Variants in ADAM12 observed in about 807,000 individuals in gnomAD.
The protein encoded by ADAM12 is ADAM metallopeptidase domain 12.
Under a neutral mutation model 106.4 loss-of-function variants are expected in ADAM12, and 70 were observed. The observed-to-expected ratio is 0.66, with a 90% CI of 0.54 to 0.80. The LOEUF (loss-of-function observed/expected upper bound fraction) is 0.80, where lower values mean the gene tolerates loss of function less well. Among genes scored for constraint, ADAM12 ranks in the 30% least tolerant of loss-of-function variants. ADAM12 has a pLI of 0.00. For synonymous variants in ADAM12, 420 were observed against 433.5 expected (o/e 0.97, Z 0.39); for missense variants, 1,010 against 1,171.9 (o/e 0.86, Z 2.02).
At chr10:126,373,117 A>T (rs1175796756) in intron 1 of ADAM12, among the ~76,000 whole-genome samples, 1 of 152,238 alleles carries the variant, frequency 6.6e-6, no homozygotes, top group Admixed American at 6.5e-5. Flanking sequence ...GGTTACAAAA[A>T]TATACAAATG....
chr10:126,292,547 G>A (rs762353102), intron 2 of ADAM12, among the ~76,000 whole-genome samples: 46 of 152,146 alleles, frequency 3.0e-4, no homozygotes, highest in Non-Finnish European at 5.3e-4. Context: ...CAAAGCCAAG[G>A]TTCCTGAGCA....
intron 4 of ADAM12, among the ~76,000 whole-genome samples, chr10:126,139,976 G>A (rs1043114415): frequency 2.0e-5 from 3 of 152,222 alleles, no homozygotes; most frequent in East Asian, 1.9e-4. Context: ...GGATCATAAT[G>A]CTCTGGGGCA....
intron 21 of ADAM12, among the ~76,000 whole-genome samples, chr10:126,029,538 A>G (rs1292015778): frequency 6.6e-6 from 1 of 152,188 alleles, no homozygotes; most frequent in Non-Finnish European, 1.5e-5. Context: ...GAGCTGAATG[A>G]TGAGAACACA....
chr10:126,047,727 C>T (rs1436329093), intron 16 of ADAM12, among the ~76,000 whole-genome samples: 1 of 152,194 alleles, frequency 6.6e-6, no homozygotes, highest in African/African-American at 2.4e-5. Context: ...TTGTGGAAAA[C>T]AGTGCAGTCG....
At chr10:126,173,466 A>G (rs7083368) in intron 3 of ADAM12, among the ~76,000 whole-genome samples, 65,323 of 151,790 alleles carry the variant, frequency 0.43, 14,295 homozygotes, top group Middle Eastern at 0.51. Context: ...GTGTTTAGCA[A>G]TATCCCTGGC....
intron 3 of ADAM12, among the ~76,000 whole-genome samples, chr10:126,220,001 G>A (rs1436798721): frequency 6.6e-6 from 1 of 152,170 alleles, no homozygotes; most frequent in African/African-American, 2.4e-5. Flanking sequence ...TTTTGCAGTG[G>A]TCATAAAGCA....
At chr10:126,194,329 T>A (rs999991659) in intron 3 of ADAM12, among the ~76,000 whole-genome samples, 13 of 148,032 alleles carry the variant, frequency 8.8e-5, no homozygotes, top group Middle Eastern at 3.6e-3. Flanking sequence ...AGCCCACCTG[T>A]GTGCAGACTA....
intron 10 of ADAM12, among the ~76,000 whole-genome samples, chr10:126,096,172 A>G (rs1955554923): frequency 6.6e-6 from 1 of 152,234 alleles, no homozygotes; most frequent in Non-Finnish European, 1.5e-5. Flanking sequence ...AAGAGAATGT[A>G]GTCAGTCTAA....
At chr10:126,091,987 A>G (rs1955473797) in intron 11 of ADAM12, among the ~76,000 whole-genome samples, 1 of 152,150 alleles carries the variant, frequency 6.6e-6, no homozygotes, top group South Asian at 2.1e-4. Context: ...TGACTCACTC[A>G]TCTTATTGAT....
intron 3 of ADAM12, among the ~76,000 whole-genome samples, chr10:126,179,861 T>C (rs1957282254): frequency 6.6e-6 from 1 of 152,174 alleles, no homozygotes; most frequent in Non-Finnish European, 1.5e-5. Flanking sequence ...GCAGGCAGAA[T>C]AGAGACGGGA....
At chr10:126,321,413 T>C (rs573961360) in intron 2 of ADAM12, among the ~76,000 whole-genome samples, 1 of 152,226 alleles carries the variant, frequency 6.6e-6, no homozygotes. Context: ...AAAAGTATGA[T>C]ATTAAGGCCT....
At chr10:126,115,830 C>T (rs1328989196) in intron 6 of ADAM12, among the ~76,000 whole-genome samples, 1 of 152,136 alleles carries the variant, frequency 6.6e-6, no homozygotes, top group Non-Finnish European at 1.5e-5. Context: ...ACCGTAGGTG[C>T]TAACCAAAAC....
At chr10:126,041,813 T>A in intron 18 of ADAM12, 1 of 1,159,446 alleles carries the variant, frequency 8.6e-7, no homozygotes, top group Non-Finnish European at 1.1e-6. Context: ...AGGCCAGACT[T>A]TTGAGTCCTC....
intron 1 of ADAM12, among the ~76,000 whole-genome samples, chr10:126,336,605 G>C (rs562332313): frequency 6.6e-6 from 1 of 152,090 alleles, no homozygotes. Context: ...ACACAGAAAC[G>C]GCAAGTTGAA....
At chr10:126,254,168 G>T (rs1000401932) in intron 3 of ADAM12, among the ~76,000 whole-genome samples, 8 of 152,310 alleles carry the variant, frequency 5.3e-5, no homozygotes, top group African/African-American at 1.9e-4. Flanking sequence ...CATTAGAACA[G>T]GTTTGTAGCT....
intron 3 of ADAM12, among the ~76,000 whole-genome samples, chr10:126,266,013 A>G (rs945331439): frequency 6.6e-6 from 1 of 152,174 alleles, no homozygotes; most frequent in African/African-American, 2.4e-5. Flanking sequence ...ATATGTCAGA[A>G]TTTGCAGGTG....
At chr10:126,128,289 T>A (rs1321683880) in intron 5 of ADAM12, among the ~76,000 whole-genome samples, 1 of 151,922 alleles carries the variant, frequency 6.6e-6, no homozygotes, top group Non-Finnish European at 1.5e-5. Flanking sequence ...CCTGGTGATA[T>A]GGGGATGGGG....
chr10:126,261,114 T>C (rs1958993060), intron 3 of ADAM12, among the ~76,000 whole-genome samples: 1 of 152,170 alleles, frequency 6.6e-6, no homozygotes, highest in Non-Finnish European at 1.5e-5. Context: ...ATACAGTAGG[T>C]TATATGCAAA....
chr10:126,131,301 C>T (rs112111743), intron 5 of ADAM12, among the ~76,000 whole-genome samples: 5 of 152,086 alleles, frequency 3.3e-5, no homozygotes, highest in African/African-American at 1.2e-4. Context: ...CACAGATGAG[C>T]CAGTGGCCTA....
Sources: allele counts gnomAD v4.1 joint callset (sites outside exome capture counted in the v4.1 genomes callset), GRCh38; gene constraint gnomAD v4.1.1; transcripts MANE v1.5; gene names NCBI Gene and HGNC (gene_info 2026-07-23, HGNC 2026-07-21).